The following PRR16 variants were observed in gnomAD, a reference collection of about 807,000 sequenced individuals.
The protein encoded by PRR16 is protein Largen.
In PRR16, 6 loss-of-function variants were observed where a neutral mutation model predicts 18.2. The ratio of observed to expected loss-of-function variants is 0.33; its 90% CI spans 0.18 to 0.65. PRR16 has a LOEUF of 0.65. Ranked by LOEUF, PRR16 falls within the 30% of genes least tolerant of loss-of-function variation. The probability of loss-of-function intolerance (pLI) is 0.74; values close to 1 mark genes in which losing one functional copy is unlikely to be tolerated. For missense variants in PRR16, 412 were observed against 376.6 expected (o/e 1.09, Z -0.78); for synonymous variants, 151 against 147.8 (o/e 1.02, Z -0.16).
chr5:120,790,235 T>TA, the PRR16 span: 1 of 151,860 alleles, frequency 6.6e-6, no homozygotes, highest in Non-Finnish European at 1.5e-5. Flanking sequence ...GAAGATAAAA[T>TA]AAATAAATGG....
chr5:120,535,188 T>C (rs560575503), intron 1 of PRR16, among the ~76,000 whole-genome samples: 3 of 152,130 alleles, frequency 2.0e-5, no homozygotes, highest in Non-Finnish European at 4.4e-5. Context: ...TTGGCAATAA[T>C]TTATTTACTG....
chr5:120,583,824 G>A (rs951473225), intron 1 of PRR16, among the ~76,000 whole-genome samples: 7 of 152,140 alleles, frequency 4.6e-5, no homozygotes, highest in Admixed American at 1.3e-4. Context: ...CACTGGCACC[G>A]TATCTGTAAT....
chr5:120,622,234 A>C (rs1754714242), intron 1 of PRR16, among the ~76,000 whole-genome samples: 1 of 152,236 alleles, frequency 6.6e-6, no homozygotes, highest in East Asian at 1.9e-4. Flanking sequence ...CTGAGACCTC[A>C]ATATCTAGAA....
chr5:120,657,573 A>G (rs1157812698), intron 1 of PRR16, among the ~76,000 whole-genome samples: 2 of 151,988 alleles, frequency 1.3e-5, no homozygotes, highest in Non-Finnish European at 1.5e-5. Flanking sequence ...CTTAGTCTAA[A>G]TACTGAATCC....
the PRR16 span, among the ~76,000 whole-genome samples, chr5:120,697,749 C>T: frequency 2.5e-3 from 385 of 151,456 alleles, no homozygotes; most frequent in Non-Finnish European, 4.3e-3. Context: ...GAGTGGGGGT[C>T]GCAAGGTGCT....
At chr5:120,730,633 G>A in the PRR16 span, among the ~76,000 whole-genome samples, 1 of 152,092 alleles carries the variant, frequency 6.6e-6, no homozygotes, top group Non-Finnish European at 1.5e-5. Flanking sequence ...GCAATGGTAA[G>A]CAGTGTAAAA....
the PRR16 span, among the ~76,000 whole-genome samples, chr5:120,754,073 A>G: frequency 8.0e-6 from 1 of 125,318 alleles, no homozygotes; most frequent in Non-Finnish European, 1.6e-5. Flanking sequence ...ACAACTTTTT[A>G]CAATTTTGCT....
chr5:120,775,794 C>CTTTT, the PRR16 span, among the ~76,000 whole-genome samples: 140 of 122,536 alleles, frequency 1.1e-3, 3 homozygotes, highest in Non-Finnish European at 1.3e-3. Flanking sequence ...CTACGCCTGG[C>CTTTT]TATTTTTTTT....
chr5:120,575,187 T>G (rs1254973158), intron 1 of PRR16, among the ~76,000 whole-genome samples: 1 of 152,204 alleles, frequency 6.6e-6, no homozygotes, highest in African/African-American at 2.4e-5. Context: ...CAGGCACCCA[T>G]TGGGGATCTT....
At chr5:120,595,346 T>C (rs1001903435) in intron 1 of PRR16, among the ~76,000 whole-genome samples, 13 of 151,566 alleles carry the variant, frequency 8.6e-5, no homozygotes, top group Admixed American at 7.9e-4. Flanking sequence ...GAAGGAAAGC[T>C]CAACATTACT....
At chr5:120,599,182 C>A (rs918480527) in intron 1 of PRR16, among the ~76,000 whole-genome samples, 4 of 151,648 alleles carry the variant, frequency 2.6e-5, no homozygotes, top group African/African-American at 9.7e-5. Flanking sequence ...CTATGCTATG[C>A]TTTTTCCTAT....
At chr5:120,469,940 T>C (rs1487689661) in intron 1 of PRR16, among the ~76,000 whole-genome samples, 1 of 152,194 alleles carries the variant, frequency 6.6e-6, no homozygotes, top group African/African-American at 2.4e-5. Flanking sequence ...AAGTAATAGA[T>C]AGTGTGTTTC....
At chr5:120,729,288 A>G in the PRR16 span, among the ~76,000 whole-genome samples, 2 of 152,166 alleles carry the variant, frequency 1.3e-5, no homozygotes, top group South Asian at 4.1e-4. Context: ...ATTTATATTC[A>G]GATTCATGCT....
chr5:120,561,314 T>A (rs1752566807), intron 1 of PRR16, among the ~76,000 whole-genome samples: 1 of 152,048 alleles, frequency 6.6e-6, no homozygotes, highest in Non-Finnish European at 1.5e-5. Flanking sequence ...AATGTTATGT[T>A]TCCATTATCA....
chr5:120,769,131 A>G, the PRR16 span, among the ~76,000 whole-genome samples: 5 of 151,804 alleles, frequency 3.3e-5, no homozygotes, highest in South Asian at 1.0e-3. Flanking sequence ...ATATCAGACA[A>G]TGTTGAACCT....
chr5:120,740,690 T>C, the PRR16 span, among the ~76,000 whole-genome samples: 26 of 152,222 alleles, frequency 1.7e-4, no homozygotes, highest in Non-Finnish European at 2.9e-4. Flanking sequence ...TTCTCATTTC[T>C]ATATAAATTC....
the PRR16 span, among the ~76,000 whole-genome samples, chr5:120,748,686 G>A: frequency 1.3e-5 from 2 of 152,038 alleles, no homozygotes; most frequent in Non-Finnish European, 2.9e-5. Flanking sequence ...GATTGAAATG[G>A]CATTCATTTA....
the PRR16 span, among the ~76,000 whole-genome samples, chr5:120,727,107 A>C: frequency 1.3e-5 from 2 of 152,000 alleles, no homozygotes; most frequent in African/African-American, 4.8e-5. Flanking sequence ...TTCTGTCCCG[A>C]AATTTTCTCC....
the PRR16 span, among the ~76,000 whole-genome samples, chr5:120,785,070 G>A: frequency 6.6e-6 from 1 of 152,172 alleles, no homozygotes; most frequent in Admixed American, 6.6e-5. Flanking sequence ...AGTAGTTGTA[G>A]GCTCAACTGA....
Sources: gnomAD v4.1 joint callset for allele counts (sites outside exome capture counted in the v4.1 genomes callset) on GRCh38, gnomAD v4.1.1 for gene constraint, MANE v1.5 for transcripts, NCBI Gene and HGNC (gene_info 2026-07-23, HGNC 2026-07-21) for gene names.